Variants in GRM5 observed in about 807,000 individuals in gnomAD.
GRM5 encodes the protein metabotropic glutamate receptor 5.
Under a neutral mutation model 83.1 loss-of-function variants are expected in GRM5, and 19 were observed. The observed-to-expected ratio is 0.23, with a 90% CI of 0.16 to 0.34. GRM5 has a LOEUF of 0.34. Ranked by LOEUF, GRM5 falls within the 10% of genes least tolerant of loss-of-function variation. GRM5 has a pLI of 1.00. For synonymous variants in GRM5, 675 were observed against 633.6 expected, an observed-to-expected ratio of 1.07 and a Z score of -0.98; for missense variants, 1,160 against 1,588.3, an observed-to-expected ratio of 0.73 and a Z score of 4.58.
chr11:88,690,040 T>C (rs952559615), intron 3 of GRM5, among the ~76,000 whole-genome samples: 1 of 152,086 alleles, frequency 6.6e-6, no homozygotes, highest in African/African-American at 2.4e-5. Context: ...GTAAATAACA[T>C]AAAACCAAAT....
chr11:88,938,149 ACAT>A (rs1937962672), intron 2 of GRM5, among the ~76,000 whole-genome samples: 1 of 151,702 alleles, frequency 6.6e-6, no homozygotes, highest in Admixed American at 6.6e-5. Flanking sequence ...ATATATCAAA[ACAT>A]CATGTTATAC....
chr11:88,669,449 A>T (rs1241082498), intron 3 of GRM5, among the ~76,000 whole-genome samples: 1 of 152,066 alleles, frequency 6.6e-6, no homozygotes, highest in Non-Finnish European at 1.5e-5. Context: ...TTTTCCCAAT[A>T]TTTTATTGAA....
intron 2 of GRM5, among the ~76,000 whole-genome samples, chr11:88,972,101 G>A (rs1287488694): frequency 2.0e-5 from 3 of 152,110 alleles, no homozygotes; most frequent in Non-Finnish European, 4.4e-5. Flanking sequence ...AATCCAAAGG[G>A]CATCAGCCTA....
intron 2 of GRM5, among the ~76,000 whole-genome samples, chr11:89,040,519 G>C (rs1000583148): frequency 6.6e-6 from 1 of 151,938 alleles, no homozygotes; most frequent in Admixed American, 6.6e-5. Flanking sequence ...ACACAATAAG[G>C]CCTCATCTCT....
In GRM5 at chr11:88,567,333, T is replaced by C; in HGVS notation, c.2350A>G (p.Ile784Val). The C allele has an allele frequency of 1.2e-6, 2 of 1,614,172 alleles. No homozygotes were observed. The highest frequency in any genetic ancestry group is 1.7e-6 in the Non-Finnish European group (2 of 1,179,994). ...IAFTMYTTCIIWLAFVPIYFG... is the reference protein window; with the variant it reads ...IAFTMYTTCIVWLAFVPIYFG... ...TAGATTGGCACAAAAGCTAGCCATA[T>C]AATGCAGGTCGTGTACATTGTGAAG... The change falls in exon 8 of 10, where the codon ATA becomes GTA. Residue 784 changes from isoleucine to valine, a missense_variant. Ile to Val is a conservative substitution (Grantham distance 29). Around this residue, in one of 9 missense-constraint regions of GRM5, gnomAD observed 66 missense variants for 138.6 expected, o/e 0.48. Coordinates refer to ENST00000305447, the MANE Select transcript of GRM5 (RefSeq NM_001143831.3). This position sits in a 1 kb window ranked among gnomAD's most constrained non-coding sequence, Gnocchi z 7.3.
chr11:88,944,314 C>T (rs1399575467), intron 2 of GRM5, among the ~76,000 whole-genome samples: 1 of 151,788 alleles, frequency 6.6e-6, no homozygotes, highest in Admixed American at 6.6e-5. Flanking sequence ...CATAATGGAG[C>T]TTTGTGTGTG....
At chr11:88,611,859 A>G (rs61901992) in intron 4 of GRM5, among the ~76,000 whole-genome samples, 18,038 of 152,118 alleles carry the variant, frequency 0.12, 1,414 homozygotes, top group Non-Finnish European at 0.18. Flanking sequence ...GTAGGCATTT[A>G]GTGCTATAAA....
intron 2 of GRM5, among the ~76,000 whole-genome samples, chr11:88,957,494 A>G (rs1467347802): frequency 1.3e-5 from 2 of 152,216 alleles, no homozygotes; most frequent in African/African-American, 4.8e-5. Context: ...CTTAGTTCTA[A>G]ACAACGGGGA....
At chr11:88,603,890 A>G (rs1405197477) in intron 5 of GRM5, among the ~76,000 whole-genome samples, 1 of 152,208 alleles carries the variant, frequency 6.6e-6, no homozygotes, top group African/African-American at 2.4e-5. Context: ...CACAGTTGTT[A>G]AGTATGAGCT....
intron 3 of GRM5, among the ~76,000 whole-genome samples, chr11:88,800,541 C>T (rs946733688): frequency 6.6e-6 from 1 of 152,060 alleles, no homozygotes; most frequent in African/African-American, 2.4e-5. Context: ...TCCTTAGTGC[C>T]AATTGCATTG....
chr11:88,924,560 A>G (rs1363419801), intron 2 of GRM5, among the ~76,000 whole-genome samples: 2 of 152,142 alleles, frequency 1.3e-5, no homozygotes, highest in Non-Finnish European at 2.9e-5. Flanking sequence ...ACAGGAAAAT[A>G]GATACTGCAT....
intron 9 of GRM5, among the ~76,000 whole-genome samples, chr11:88,518,012 T>A (rs530396906): frequency 1.3e-5 from 2 of 152,092 alleles, no homozygotes; most frequent in East Asian, 3.9e-4. Flanking sequence ...CTCCTTTTTT[T>A]CAGTAAAAAG....
chr11:88,665,626 C>T (rs1272294629), intron 3 of GRM5, among the ~76,000 whole-genome samples: 1 of 152,066 alleles, frequency 6.6e-6, no homozygotes, highest in Non-Finnish European at 1.5e-5. Flanking sequence ...AAATTCAAAA[C>T]CTAAGTTCCT....
chr11:88,516,739 G>C (rs771465336), intron 9 of GRM5, among the ~76,000 whole-genome samples: 6 of 148,702 alleles, frequency 4.0e-5, no homozygotes, highest in Non-Finnish European at 7.4e-5. Context: ...TTTTTTAATT[G>C]GATAAAATGG....
chr11:88,623,066 G>T (rs560602130), intron 4 of GRM5, among the ~76,000 whole-genome samples: 5 of 152,018 alleles, frequency 3.3e-5, no homozygotes, highest in African/African-American at 9.6e-5. Context: ...AATGATGATG[G>T]TAATAAGATC....
chr11:88,931,703 G>A (rs1937711035), intron 2 of GRM5, among the ~76,000 whole-genome samples: 1 of 151,962 alleles, frequency 6.6e-6, no homozygotes, highest in Non-Finnish European at 1.5e-5. Flanking sequence ...CATAAACTGA[G>A]AATTATTTTA....
chr11:88,661,714 C>T (rs575787632), intron 3 of GRM5, among the ~76,000 whole-genome samples: 1 of 152,030 alleles, frequency 6.6e-6, no homozygotes, highest in Non-Finnish European at 1.5e-5. Flanking sequence ...AATATTGAGA[C>T]TCTATTTTAT....
In GRM5 at chr11:88,689,614, C is replaced by T. The variant is rs1940729447; in HGVS notation, c.912-36211G>A. Reference sequence around the variant, plus strand: ...CTTTAGATGCTGATCTTAGACAGTCCCTAAGACACTGTTGTTTTCCCTTTC... The same window carrying T: ...CTTTAGATGCTGATCTTAGACAGTCTCTAAGACACTGTTGTTTTCCCTTTC... On this transcript the variant is annotated intron_variant, in intron 3 of 9. Transcript: ENST00000305447. Among the ~76,000 whole-genome samples, 3 of 152,214 alleles carry T rather than the reference C, an allele frequency of 2.0e-5. No individual in the cohort carries two copies. The South Asian group carries it at 6.2e-4, about 32-fold the overall frequency.
chr11:88,676,918 A>T (rs1391478741), intron 3 of GRM5, among the ~76,000 whole-genome samples: 2 of 152,118 alleles, frequency 1.3e-5, no homozygotes, highest in East Asian at 3.8e-4. Flanking sequence ...TCGGTAATTC[A>T]TCTGAATTTG....
Sources: allele counts gnomAD v4.1 joint callset (sites outside exome capture counted in the v4.1 genomes callset), GRCh38; gene constraint gnomAD v4.1.1; regional missense constraint gnomAD v4.1.1; non-coding constraint Gnocchi (gnomAD v3.1); transcripts MANE v1.5; gene names NCBI Gene and HGNC (gene_info 2026-07-23, HGNC 2026-07-21).